Variants in MYO7B observed in about 807,000 individuals in gnomAD.
MYO7B encodes the protein unconventional myosin-VIIb.
In MYO7B, 212 loss-of-function variants were observed where a neutral mutation model predicts 259.7. That is an observed-to-expected ratio of 0.82 (90% CI 0.73 to 0.91). The LOEUF (loss-of-function observed/expected upper bound fraction) is 0.91. Ranked by LOEUF, MYO7B falls within the 40% of genes least tolerant of loss-of-function variation. The probability of loss-of-function intolerance (pLI) is 0.00; values close to 1 mark genes in which losing one functional copy is unlikely to be tolerated. For missense variants in MYO7B, 2,732 were observed against 2,813.5 expected (o/e 0.97, Z 0.66); for synonymous variants, 1,197 against 1,166.4 (o/e 1.03, Z -0.54).
intron 19 of MYO7B, among the ~76,000 whole-genome samples, chr2:127,598,847 A>G (rs184202728): frequency 2.4e-4 from 36 of 152,296 alleles, no homozygotes; most frequent in Admixed American, 6.5e-5. Flanking sequence ...CCTTCCTTCA[A>G]TGAAATGCTT....
intron 27 of MYO7B, 43 bp from the exon 28 acceptor site, chr2:127,621,939 C>T: frequency 6.4e-7 from 1 of 1,551,594 alleles, no homozygotes; most frequent in East Asian, 2.4e-5. Context: ...AACTGGCCTC[C>T]TTTCTGAGTG....
intron 1 of MYO7B, among the ~76,000 whole-genome samples, chr2:127,536,509 G>A (rs1211593107): frequency 1.3e-5 from 2 of 151,686 alleles, no homozygotes; most frequent in Admixed American, 6.6e-5. Context: ...GAGAGGGACC[G>A]CACCGGGGCT....
chr2:127,599,115 T>C (rs1182215751), intron 19 of MYO7B, among the ~76,000 whole-genome samples: 1 of 152,212 alleles, frequency 6.6e-6, no homozygotes, highest in Non-Finnish European at 1.5e-5. Context: ...TTGTTGGGAT[T>C]TTTGATAGTA....
chr2:127,635,891 C>G lies in MYO7B; in HGVS notation c.5990C>G (p.Ser1997Trp), dbSNP rs375048744. The G allele has an allele frequency of 1.9e-5, 30 of 1,573,734 alleles. No homozygotes were observed. The highest frequency in any genetic ancestry group is 2.5e-5 in the Non-Finnish European group (29 of 1,160,114). Residue 1997 changes from serine (S) to tryptophan (W), a missense_variant, in exon 44 of 48, where the codon TCG becomes TGG. Physicochemically the swap from Ser to Trp is radical, Grantham distance 177. Transcript: ENST00000409816. The stretch of plus-strand genomic sequence containing the variant: ...GAGAACCTCACACGCCTGATGTCCT[C>G]GGAGGAGTGGAAAAAGGTCCCTGGT... ...VPENLTRLMS[S>W]EEWKKSILLA... is the part of the protein sequence containing the mutation.
At chr2:127,631,546 C>T (rs746254382) in intron 37 of MYO7B, 54 bp from the exon 38 acceptor site, 63 of 1,592,798 alleles carry the variant, frequency 4.0e-5, no homozygotes, top group Non-Finnish European at 5.3e-5. Flanking sequence ...GCGTCTATCC[C>T]CAGTCTGTGT....
In MYO7B at chr2:127,580,668, A is replaced by G. The variant is rs912701091; in HGVS notation, c.1004-78A>G. ...CTCCTGAGTGGATCTGGGGCTGCCA[A>G]GGGCCCGGGCCAGTCGGGACCTTGC... On this transcript the variant is annotated intron_variant, in intron 9 of 47. Coordinates refer to ENST00000409816, the MANE Select transcript of MYO7B (RefSeq NM_001393586.1). 119 of 1,413,962 alleles carry G rather than the reference A, an allele frequency of 8.4e-5. 2 individuals are homozygous for G. In the Middle Eastern group the frequency reaches 1.2e-3, roughly 15 times the overall value. The allele number at this position is 1,413,962 out of a possible 1,614,324, so 87.6% of individuals were successfully genotyped here. A position where few individuals can be genotyped will look rare whatever the true frequency, so the allele number is the denominator to read the frequency against.
At chr2:127,608,432 G>A (rs937976050) in intron 21 of MYO7B, among the ~76,000 whole-genome samples, 2 of 152,154 alleles carry the variant, frequency 1.3e-5, no homozygotes, top group African/African-American at 4.8e-5. Context: ...GTTTGAAGGG[G>A]TGCCTTAAGA....
At chr2:127,617,862 T>C (rs1680641573) in intron 26 of MYO7B, among the ~76,000 whole-genome samples, 1 of 151,188 alleles carries the variant, frequency 6.6e-6, no homozygotes, top group Admixed American at 6.6e-5. Flanking sequence ...TTAGTTTTTT[T>C]TTTTTTTGCT....
In MYO7B at chr2:127,597,161, G is replaced by A. The variant is rs578065692; in HGVS notation, c.2339+605G>A. Among the ~76,000 whole-genome samples the A allele has an allele frequency of 1.2e-4, 19 of 152,374 alleles. No homozygotes were observed. The East Asian group carries it at 3.3e-3, about 26-fold the overall frequency. ...GAGGCAGCTGTGCTGCTGGGAAGCC[G>A]GAGGCCATCTCAGGGCCAGACCCTG... On this transcript the variant is annotated intron_variant, in intron 19 of 47. Coordinates refer to ENST00000409816, the MANE Select transcript of MYO7B (RefSeq NM_001393586.1). This position sits in a 1 kb window ranked among gnomAD's most constrained non-coding sequence, Gnocchi z 4.8.
intron 26 of MYO7B, among the ~76,000 whole-genome samples, chr2:127,617,501 T>G (rs1490777926): frequency 7.5e-6 from 1 of 133,380 alleles, no homozygotes. Flanking sequence ...TTTTTTTTTT[T>G]TTTTTTTTTT....
chr2:127,603,405 T>A (rs2105011835), intron 19 of MYO7B, among the ~76,000 whole-genome samples: 1 of 152,360 alleles, frequency 6.6e-6, no homozygotes, highest in South Asian at 2.1e-4. Context: ...GCAGAATGGA[T>A]GCTTTGTTCA....
At chr2:127,562,515 G>A (rs1244552520) in intron 2 of MYO7B, among the ~76,000 whole-genome samples, 2 of 114,648 alleles carry the variant, frequency 1.7e-5, no homozygotes, top group African/African-American at 6.9e-5. Flanking sequence ...TTGAGACGGA[G>A]TCTTGCACTG....
At chr2:127,598,255 G>T (rs1432464342) in intron 19 of MYO7B, among the ~76,000 whole-genome samples, 1 of 152,184 alleles carries the variant, frequency 6.6e-6, no homozygotes, top group Non-Finnish European at 1.5e-5. Context: ...CAGTGTCCGT[G>T]CATCCTCACC....
rs767347608 is a variant in MYO7B, at chr2:127,631,490, G to A, written c.5096-110G>A. The A allele has an allele frequency of 1.2e-5, 19 of 1,524,290 alleles. No homozygotes were observed. The Middle Eastern group carries it at 2.3e-3, about 181-fold the overall frequency. 94.4% of individuals were successfully genotyped at this position (1,524,290 alleles called of 1,614,324 possible). A position where few individuals can be genotyped will look rare whatever the true frequency, so the allele number is the denominator to read the frequency against. On this transcript the variant is annotated intron_variant, in intron 37 of 47. Transcript: ENST00000409816. ...GAGATCTGAGAAACCTGGAGTGGCGGGACAGAGCCCACACATGGCTCACCG... is the reference window on the plus strand; with the variant it reads ...GAGATCTGAGAAACCTGGAGTGGCGAGACAGAGCCCACACATGGCTCACCG...
intron 41 of MYO7B, 109 bp from the exon 42 acceptor site, chr2:127,634,487 C>A: frequency 1.9e-6 from 2 of 1,040,904 alleles, no homozygotes; most frequent in South Asian, 1.4e-5. Flanking sequence ...ACAGCCGACT[C>A]CAGCGCAGCA....
At chr2:127,589,974 A>G in intron 15 of MYO7B, 118 bp from the exon 16 acceptor site, 1 of 1,129,024 alleles carries the variant, frequency 8.9e-7, no homozygotes, top group East Asian at 2.6e-5. Context: ...ATTCTTGAAT[A>G]GGTAGATGCA....
rs754317751 is a variant in MYO7B, at chr2:127,633,270, G to A, written c.5418G>A (p.Arg1806=). 2.8e-5 allele frequency: 45 copies of A among 1,611,020 alleles called. No homozygotes were observed. Among genetic ancestry groups the A allele is most frequent in the Non-Finnish European group, 3.6e-5 (42 of 1,179,268 alleles). ...RIQKVLRTGP[R]KQPPHQVEVE... ...CTGTCCCCCTCAGGACGGGGCCCCGGAAGCAGCCCCCGCACCAGGTGGAGG... is the reference window on the plus strand; with the variant it reads ...CTGTCCCCCTCAGGACGGGGCCCCGAAAGCAGCCCCCGCACCAGGTGGAGG... Residue 1806 remains arginine (R), a synonymous_variant, in exon 40 of 48, where the codon CGG becomes CGA. Coordinates refer to ENST00000409816, the MANE Select transcript of MYO7B (RefSeq NM_001393586.1).
In MYO7B at chr2:127,554,628, A is replaced by T. The variant is rs1015056958; in HGVS notation, c.-23-5072A>T. ...GTTAGGGAGGATTCCCTCTTTCTCTATGTTGTGGAATAGTATCAATAGGAT... is the reference window on the plus strand; with the variant it reads ...GTTAGGGAGGATTCCCTCTTTCTCTTTGTTGTGGAATAGTATCAATAGGAT... On this transcript the variant is annotated intron_variant, in intron 1 of 47. Coordinates refer to ENST00000409816, the MANE Select transcript of MYO7B (RefSeq NM_001393586.1). 2.0e-5 allele frequency among the ~76,000 whole-genome samples: 3 copies of T among 152,114 alleles called. No homozygotes were observed. In the East Asian group the frequency reaches 5.8e-4, roughly 29 times the overall value.
intron 43 of MYO7B, 54 bp downstream of exon 43, chr2:127,635,280 C>A: frequency 2.0e-6 from 3 of 1,511,360 alleles, no homozygotes; most frequent in African/African-American, 1.4e-5. Flanking sequence ...CTTCCCACAC[C>A]TGTTCTGAGG....
Sources: allele counts gnomAD v4.1 joint callset (sites outside exome capture counted in the v4.1 genomes callset), GRCh38; gene constraint gnomAD v4.1.1; non-coding constraint Gnocchi (gnomAD v3.1); transcripts MANE v1.5; gene names NCBI Gene and HGNC (gene_info 2026-07-23, HGNC 2026-07-21).